TMEM260: variants seen among roughly 807,000 people sequenced by gnomAD.
The protein encoded by TMEM260 is protein O-mannosyl-transferase TMEM260.
TMEM260 carries 82 observed loss-of-function variants against 88.9 expected under a neutral mutation model. That is an observed-to-expected ratio of 0.92 (90% CI 0.77 to 1.11). The LOEUF (loss-of-function observed/expected upper bound fraction) is 1.11. Among genes scored for constraint, TMEM260 ranks in the 50% least tolerant of loss-of-function variants. The pLI, the probability that TMEM260 is intolerant of heterozygous loss-of-function variation, is 0.00. For missense variants in TMEM260, 902 were observed against 853.4 expected, an observed-to-expected ratio of 1.06 and a Z score of -0.71; for synonymous variants, 314 against 309.3, an observed-to-expected ratio of 1.02 and a Z score of -0.16.
At chr14:56,614,665 TA>T (rs1165577310) in intron 7 of TMEM260, among the ~76,000 whole-genome samples, 1 of 152,178 alleles carries the variant, frequency 6.6e-6, no homozygotes, top group Non-Finnish European at 1.5e-5. Context: ...ATTAAAATAA[TA>T]GCAGGCTGTA....
intron 3 of TMEM260, among the ~76,000 whole-genome samples, chr14:56,587,202 T>G (rs1885560341): frequency 1.3e-5 from 2 of 151,908 alleles, no homozygotes; most frequent in Admixed American, 6.6e-5. Flanking sequence ...CACAAGATAC[T>G]TTAGAACAAA....
chr14:56,636,855 T>A (rs1566573151), intron 15 of TMEM260, among the ~76,000 whole-genome samples: 1 of 152,184 alleles, frequency 6.6e-6, no homozygotes, highest in Non-Finnish European at 1.5e-5. Flanking sequence ...GTGAATATGT[T>A]ACCTATGTAA....
chr14:56,604,947 G>A (rs971120704), intron 4 of TMEM260, among the ~76,000 whole-genome samples: 7 of 152,358 alleles, frequency 4.6e-5, no homozygotes, highest in African/African-American at 1.7e-4. Context: ...GGGAATGGTA[G>A]TGGATGAAGA....
chr14:56,652,446 T>G (rs895441590), downstream of TMEM260, among the ~76,000 whole-genome samples: 1 of 147,090 alleles, frequency 6.8e-6, no homozygotes, highest in Middle Eastern at 3.5e-3. Flanking sequence ...TGAGGTGAGC[T>G]GTGATTGCAC....
chr14:56,660,049 A>C, the TMEM260 span, among the ~76,000 whole-genome samples: 2 of 152,206 alleles, frequency 1.3e-5, no homozygotes, highest in African/African-American at 4.8e-5. Flanking sequence ...TGCTACTATA[A>C]ATTTCACGCC....
chr14:56,585,972 G>T, intron 3 of TMEM260, 60 bp downstream of exon 3: 1 of 1,546,944 alleles, frequency 6.5e-7, no homozygotes, highest in Non-Finnish European at 8.8e-7. Flanking sequence ...ATTTCTTATG[G>T]CTCAAGTACA....
intron 4 of TMEM260, 94 bp downstream of exon 4, chr14:56,604,086 T>C: frequency 5.7e-6 from 7 of 1,236,044 alleles, no homozygotes; most frequent in African/African-American, 1.5e-5. Context: ...CTTTTATCTA[T>C]TCTGATTACA....
chr14:56,658,074 T>C, the TMEM260 span, among the ~76,000 whole-genome samples: 9 of 152,118 alleles, frequency 5.9e-5, no homozygotes, highest in Admixed American at 5.9e-4. Context: ...TGCCTAACTC[T>C]CCTTAAAGCC....
In TMEM260 at chr14:56,625,517, G is replaced by A. The variant is rs760725710; in HGVS notation, c.1534G>A (p.Glu512Lys). Residue 512 changes from glutamate (E) to lysine (K), a missense_variant, in exon 12 of 16, where the codon GAA becomes AAA. Glu to Lys is a moderately conservative substitution (Grantham distance 56). Coordinates refer to ENST00000261556, the MANE Select transcript of TMEM260 (RefSeq NM_017799.4). ...CACATTTAATCTTTATCATTTTCTT[G>A]AAGTAAATAAACAGTAAGCATTCTT... Reference protein sequence around the residue: ...MVTFNLYHFLEVNKQKETFVC... With the variant: ...MVTFNLYHFLKVNKQKETFVC... The A allele has an allele frequency of 6.3e-7, 1 of 1,595,514 alleles. No homozygotes were observed. The highest frequency in any genetic ancestry group is 1.1e-5 in the South Asian group (1 of 88,260).
chr14:56,609,699 A>T (rs1468091450), intron 6 of TMEM260, among the ~76,000 whole-genome samples: 3 of 152,150 alleles, frequency 2.0e-5, no homozygotes, highest in Non-Finnish European at 2.9e-5. Context: ...TTTATTTTTT[A>T]CATATTTCAT....
the TMEM260 span, among the ~76,000 whole-genome samples, chr14:56,658,396 C>T: frequency 0.045 from 6,761 of 151,596 alleles, 519 homozygotes; most frequent in African/African-American, 0.16. Context: ...TACAGGTGCC[C>T]GCCACCATGC....
chr14:56,650,327 C>A, downstream of TMEM260: 1 of 281,918 alleles, frequency 3.5e-6, no homozygotes, highest in South Asian at 3.3e-5. Context: ...CGCCCTGGCA[C>A]CAAGGCTGGC....
At chr14:56,600,875 T>A (rs963614932) in intron 3 of TMEM260, among the ~76,000 whole-genome samples, 3 of 152,190 alleles carry the variant, frequency 2.0e-5, no homozygotes, top group Non-Finnish European at 4.4e-5. Flanking sequence ...CATTACTGGT[T>A]TCATAATCAG....
At position 56,625,368 on chromosome 14, in the gene TMEM260, G is replaced by T. The variant is rs745818506; in HGVS notation, c.1399-14G>T. ...ATATTAAAAGTCTGACATTATGTGT[G>T]ACTTTTCTGGCAGATGATGACTTAC... On this transcript the variant is annotated splice_polypyrimidine_tract_variant and intron_variant, in intron 11 of 15. Coordinates refer to ENST00000261556, the MANE Select transcript of TMEM260 (RefSeq NM_017799.4). The T allele has an allele frequency of 3.1e-6, 5 of 1,609,348 alleles. No individual in the cohort carries two copies. The East Asian group carries it at 8.9e-5, about 29-fold the overall frequency.
chr14:56,585,072 A>G (rs774850953), intron 2 of TMEM260, 40 bp downstream of exon 2: 1 of 1,585,690 alleles, frequency 6.3e-7, no homozygotes, highest in African/African-American at 1.4e-5. Context: ...GCTCTCATTA[A>G]CAGTTTTAGG....
intron 12 of TMEM260, among the ~76,000 whole-genome samples, chr14:56,629,487 AT>A (rs932271124): frequency 3.3e-5 from 5 of 152,098 alleles, no homozygotes; most frequent in East Asian, 1.9e-4. Context: ...AGAGAAAAAA[AT>A]ATTCTACAAT....
At chr14:56,641,419 T>G (rs922712992) in intron 15 of TMEM260, among the ~76,000 whole-genome samples, 1 of 152,050 alleles carries the variant, frequency 6.6e-6, no homozygotes, top group Non-Finnish European at 1.5e-5. Context: ...CAAACTAAGC[T>G]TCATAAGTGA....
At chr14:56,619,000 T>C (rs1887751224) in intron 10 of TMEM260, among the ~76,000 whole-genome samples, 1 of 152,186 alleles carries the variant, frequency 6.6e-6, no homozygotes, top group Non-Finnish European at 1.5e-5. Flanking sequence ...TGTAGACAAT[T>C]TGTATCTTTT....
In TMEM260 at chr14:56,631,585, T is replaced by A. The variant is rs369499681; in HGVS notation, c.1548-1410T>A. On this transcript the variant is annotated intron_variant, in intron 12 of 15. Transcript: ENST00000261556. ...TTGCAGTGAGCTGAGATTGTGCCAC[T>A]GCACTCCATCCTGGGCTACAAAGCA... 6.7e-5 allele frequency among the ~76,000 whole-genome samples: 10 copies of A among 149,006 alleles called. 1 individual carries two copies. Among genetic ancestry groups the A allele is most frequent in the Admixed American group, 2.0e-4 (3 of 14,734 alleles).
Sources: gnomAD v4.1 joint callset for allele counts (sites outside exome capture counted in the v4.1 genomes callset) on GRCh38, gnomAD v4.1.1 for gene constraint, MANE v1.5 for transcripts, NCBI Gene and HGNC (gene_info 2026-07-23, HGNC 2026-07-21) for gene names.